ARHGEF38: variants seen among roughly 807,000 people sequenced by gnomAD.
ARHGEF38 encodes the protein Rho guanine nucleotide exchange factor (GEF) 38.
ARHGEF38 carries 79 observed loss-of-function variants against 79.9 expected under a neutral mutation model. That is an observed-to-expected ratio of 0.99 (90% CI 0.82 to 1.19). ARHGEF38 has a LOEUF of 1.19. ARHGEF38 is among the 50% of genes most tolerant of loss of function. ARHGEF38 has a pLI of 0.00. For synonymous variants in ARHGEF38, 366 were observed against 328.3 expected, an observed-to-expected ratio of 1.11 and a Z score of -1.24; for missense variants, 962 against 907.2, an observed-to-expected ratio of 1.06 and a Z score of -0.78.
rs1284820590 is a variant in ARHGEF38, at chr4:105,607,082, C to T, written c.385-6302C>T. Among the ~76,000 whole-genome samples, 14 of 152,174 alleles carry T rather than the reference C, an allele frequency of 9.2e-5. No individual in the cohort carries two copies. In the South Asian group the frequency reaches 2.7e-3, roughly 29 times the overall value. ...GGACACCTAAGAAAGTTTGGTTTTTCCTCCCTGTGATGGGGTTCAGGCCGA... is the reference window on the plus strand; with the variant it reads ...GGACACCTAAGAAAGTTTGGTTTTTTCTCCCTGTGATGGGGTTCAGGCCGA... On this transcript the variant is annotated intron_variant, in intron 2 of 13. Coordinates refer to ENST00000420470, the MANE Select transcript of ARHGEF38 (RefSeq NM_001242729.2).
In ARHGEF38 at chr4:105,619,938, G is replaced by A. The variant is rs1345017376; in HGVS notation, c.508+6431G>A. ...TGTCCCATTTCTTTGTCCTTAGATG[G>A]CACAAATAAGAGTTTGTGATTCACA... On this transcript the variant is annotated intron_variant, in intron 3 of 13. Coordinates refer to ENST00000420470, the MANE Select transcript of ARHGEF38 (RefSeq NM_001242729.2). Among the ~76,000 whole-genome samples, 3 of 152,238 alleles carry A rather than the reference G, an allele frequency of 2.0e-5. No individual in the cohort carries two copies. In the East Asian group the frequency reaches 5.8e-4, roughly 29 times the overall value.
chr4:105,631,044 A>G lies in ARHGEF38; in HGVS notation c.655A>G (p.Lys219Glu), dbSNP rs1175976458. 1 of 1,603,802 alleles carries G rather than the reference A, an allele frequency of 6.2e-7. No individual in the cohort carries two copies. The highest frequency in any genetic ancestry group is 1.1e-5 in the South Asian group (1 of 88,360). Residue 219 changes from lysine to glutamate, a missense_variant and splice_region_variant, in exon 4 of 14, where the codon AAG becomes GAG. Physicochemically the swap from Lys to Glu is moderately conservative, Grantham distance 56. Coordinates refer to ENST00000420470, the MANE Select transcript of ARHGEF38 (RefSeq NM_001242729.2). ...TTTGAGCCACTGTATCCAGTCCTTA[A>G]AGTAAGGCCTTTTCAAATGATGATT... Reference protein sequence around the residue: ...EHLSHCIQSLKKIYMQEGKPN... With the variant: ...EHLSHCIQSLEKIYMQEGKPN...
rs866505085 is a variant in ARHGEF38, at chr4:105,648,959, A to G, written c.1008+277A>G. On this transcript the variant is annotated intron_variant, in intron 7 of 13. Transcript: ENST00000420470. ...AGAAACAGACAAAAGAGAGACACGG[A>G]CATGGGACATAAGGTTGCCCCAGGA... Among the ~76,000 whole-genome samples the G allele has an allele frequency of 3.9e-5, 6 of 152,142 alleles. 1 individual carries two copies. In the South Asian group the frequency reaches 1.2e-3, roughly 32 times the overall value.
Position 105,679,829 on chromosome 4 carries a change from A to C in ARHGEF38, c.*1892A>C. ...TCCAGAGAGATGGATATAGGACTCA[A>C]TATCCTGAGGAGGAGAACTTTGAAT... On this transcript the variant is annotated 3_prime_UTR_variant, in exon 14 of 14. Coordinates refer to ENST00000420470, the MANE Select transcript of ARHGEF38 (RefSeq NM_001242729.2). 7.6e-7 allele frequency: 1 copy of C among 1,314,398 alleles called. No homozygotes were observed. Among genetic ancestry groups the C allele is most frequent in the Non-Finnish European group, 1.1e-6 (1 of 912,552 alleles). 81.4% of individuals were successfully genotyped at this position (1,314,398 alleles called of 1,614,324 possible).
chr4:105,582,759 A>G (rs1389843004), intron 1 of ARHGEF38, among the ~76,000 whole-genome samples: 1 of 152,182 alleles, frequency 6.6e-6, no homozygotes, highest in Non-Finnish European at 1.5e-5. Context: ...TATCACTATT[A>G]AGACTGATTT....
chr4:105,641,978 T>C (rs1729637710), intron 5 of ARHGEF38, among the ~76,000 whole-genome samples: 1 of 152,118 alleles, frequency 6.6e-6, no homozygotes, highest in Non-Finnish European at 1.5e-5. Flanking sequence ...GAATTACAAA[T>C]TAATAAGTAG....
chr4:105,617,796 A>T (rs1021114948), intron 3 of ARHGEF38, among the ~76,000 whole-genome samples: 4 of 152,016 alleles, frequency 2.6e-5, no homozygotes, highest in South Asian at 2.1e-4. Flanking sequence ...GAGTAAGTTT[A>T]AAAAAAATAA....
chr4:105,615,638 A>T (rs1728482460), intron 3 of ARHGEF38, among the ~76,000 whole-genome samples: 1 of 152,144 alleles, frequency 6.6e-6, no homozygotes. Flanking sequence ...TTTAAAAATT[A>T]TTATTATTAT....
At chr4:105,673,027 A>G (rs1356214661) in intron 13 of ARHGEF38, among the ~76,000 whole-genome samples, 2 of 152,208 alleles carry the variant, frequency 1.3e-5, no homozygotes, top group African/African-American at 4.8e-5. Flanking sequence ...TCATATGAGT[A>G]GGTCAGGCCC....
chr4:105,672,544 T>G (rs1164960863), intron 13 of ARHGEF38, among the ~76,000 whole-genome samples: 2 of 152,238 alleles, frequency 1.3e-5, no homozygotes, highest in Non-Finnish European at 2.9e-5. Context: ...TTCTAATGTA[T>G]TCTCTCCTTT....
At chr4:105,608,624 C>T (rs997336122) in intron 2 of ARHGEF38, among the ~76,000 whole-genome samples, 5 of 151,672 alleles carry the variant, frequency 3.3e-5, no homozygotes, top group Non-Finnish European at 5.9e-5. Context: ...TGGGACATTC[C>T]AAATCTTTTC....
At chr4:105,574,959 GCA>G (rs1227700956) in intron 1 of ARHGEF38, among the ~76,000 whole-genome samples, 1 of 149,178 alleles carries the variant, frequency 6.7e-6, no homozygotes, top group Non-Finnish European at 1.5e-5. Context: ...ATATATATAT[GCA>G]CACACATATA....
At chr4:105,671,805 G>A (rs1730966307) in intron 13 of ARHGEF38, among the ~76,000 whole-genome samples, 1 of 152,142 alleles carries the variant, frequency 6.6e-6, no homozygotes. Context: ...TTTATTATCA[G>A]GAACATCAGC....
intron 1 of ARHGEF38, among the ~76,000 whole-genome samples, chr4:105,554,321 C>G (rs755616404): frequency 1.3e-5 from 2 of 152,118 alleles, no homozygotes; most frequent in Admixed American, 6.5e-5. Flanking sequence ...GAGCATAGTA[C>G]CCAGTAGGTG....
intron 1 of ARHGEF38, among the ~76,000 whole-genome samples, chr4:105,575,829 G>A (rs1007936741): frequency 4.6e-5 from 7 of 152,120 alleles, no homozygotes; most frequent in Non-Finnish European, 8.8e-5. Flanking sequence ...TTTTGTATAA[G>A]GTGAGAGATA....
chr4:105,579,616 T>G (rs1726679611), intron 1 of ARHGEF38, among the ~76,000 whole-genome samples: 1 of 152,178 alleles, frequency 6.6e-6, no homozygotes, highest in Non-Finnish European at 1.5e-5. Context: ...TTTGATGTGC[T>G]GCTGGATTTG....
intron 7 of ARHGEF38, among the ~76,000 whole-genome samples, chr4:105,651,810 G>A (rs1480906674): frequency 6.6e-6 from 1 of 152,160 alleles, no homozygotes; most frequent in Non-Finnish European, 1.5e-5. Context: ...GTGTGCCACT[G>A]CTCCTGGCCG....
At chr4:105,636,161 G>A (rs888997743) in intron 4 of ARHGEF38, among the ~76,000 whole-genome samples, 4 of 151,944 alleles carry the variant, frequency 2.6e-5, no homozygotes, top group Middle Eastern at 3.2e-3. Flanking sequence ...ACAGTGATCA[G>A]ATAATAAACA....
chr4:105,556,308 GA>G (rs1725248494), intron 1 of ARHGEF38, among the ~76,000 whole-genome samples: 1 of 152,136 alleles, frequency 6.6e-6, no homozygotes, highest in African/African-American at 2.4e-5. Flanking sequence ...AAATCATCAA[GA>G]AAACATGTCT....
Sources: gnomAD v4.1 joint callset for allele counts (sites outside exome capture counted in the v4.1 genomes callset) on GRCh38, gnomAD v4.1.1 for gene constraint, MANE v1.5 for transcripts, NCBI Gene and HGNC (gene_info 2026-07-23, HGNC 2026-07-21) for gene names.